Variants in NTM observed in about 807,000 individuals in gnomAD.
NTM encodes neurotrimin, also known as IgLON family member 2.
Under a neutral mutation model 42.1 loss-of-function variants are expected in NTM, and 13 were observed. The ratio of observed to expected loss-of-function variants is 0.31; its 90% confidence interval spans 0.20 to 0.49. NTM has a LOEUF of 0.49. NTM is among the 20% of genes least tolerant of loss of function. NTM has a pLI of 0.99. For missense variants in NTM, 373 were observed against 452.8 expected (o/e 0.82, Z 1.60); for synonymous variants, 187 against 179.2 (o/e 1.04, Z -0.35).
At chr11:132,215,910 T>A (rs1469959554) in intron 4 of NTM, among the ~76,000 whole-genome samples, 1 of 152,222 alleles carries the variant, frequency 6.6e-6, no homozygotes, top group East Asian at 1.9e-4. Context: ...TGAAGGCTTA[T>A]TGACCCCAAG....
At chr11:132,016,199 A>C (rs772106371) in intron 2 of NTM, among the ~76,000 whole-genome samples, 1 of 150,874 alleles carries the variant, frequency 6.6e-6, no homozygotes, top group Non-Finnish European at 1.5e-5. Flanking sequence ...TGTTGATGTG[A>C]TATATTGCAT....
intron 1 of NTM, among the ~76,000 whole-genome samples, chr11:131,415,385 T>C (rs1946841949): frequency 6.6e-6 from 1 of 152,184 alleles, no homozygotes; most frequent in African/African-American, 2.4e-5. Context: ...CACTGAATGC[T>C]ATTCGTCTAA....
At chr11:131,806,683 G>A (rs958036115) in intron 1 of NTM, among the ~76,000 whole-genome samples, 2 of 152,108 alleles carry the variant, frequency 1.3e-5, no homozygotes, top group African/African-American at 4.8e-5. Flanking sequence ...CGGATTTTAT[G>A]CTTCCAGGTC....
chr11:131,406,629 A>G (rs1165251269), intron 1 of NTM, among the ~76,000 whole-genome samples: 2 of 152,246 alleles, frequency 1.3e-5, no homozygotes, highest in African/African-American at 4.8e-5. Context: ...TAAGAGGTTA[A>G]TAACAAAAAC....
chr11:131,711,795 G>A (rs1592662933), intron 1 of NTM, among the ~76,000 whole-genome samples: 1 of 151,892 alleles, frequency 6.6e-6, no homozygotes, highest in Admixed American at 6.6e-5. Flanking sequence ...GGAATACTAT[G>A]CAGCCATAAA....
At chr11:131,638,342 A>C (rs1022848234) in intron 1 of NTM, among the ~76,000 whole-genome samples, 1 of 152,052 alleles carries the variant, frequency 6.6e-6, no homozygotes, top group Non-Finnish European at 1.5e-5. Context: ...CGAGACGGGC[A>C]GATCACCTGA....
chr11:131,506,137 C>G (rs976635993), intron 1 of NTM, among the ~76,000 whole-genome samples: 1 of 152,232 alleles, frequency 6.6e-6, no homozygotes, highest in African/African-American at 2.4e-5. Context: ...TAAAATGACT[C>G]ATTCTCAAGC....
chr11:132,197,700 C>G (rs955529430), intron 3 of NTM, among the ~76,000 whole-genome samples: 1 of 140,138 alleles, frequency 7.1e-6, no homozygotes, highest in Non-Finnish European at 1.5e-5. Flanking sequence ...TTCCTGTGTG[C>G]AAGTGTTCTC....
intron 2 of NTM, among the ~76,000 whole-genome samples, chr11:132,044,142 A>G (rs530438584): frequency 0.011 from 482 of 42,298 alleles, 3 homozygotes; most frequent in African/African-American, 0.078. Context: ...GTGTGTGTGT[A>G]TGTGCGTGTG....
intron 3 of NTM, among the ~76,000 whole-genome samples, chr11:132,210,362 C>T (rs1422897459): frequency 6.6e-6 from 1 of 152,186 alleles, no homozygotes; most frequent in African/African-American, 2.4e-5. Flanking sequence ...TTGGTATGGA[C>T]ACGTTGCACA....
At chr11:131,424,586 A>G (rs28637937) in intron 1 of NTM, among the ~76,000 whole-genome samples, 17,565 of 85,208 alleles carry the variant, frequency 0.21, 1,528 homozygotes, top group Middle Eastern at 0.26. Flanking sequence ...GTTGTTTTTT[A>G]TTTCTTTTCT....
intron 1 of NTM, among the ~76,000 whole-genome samples, chr11:131,590,101 TC>T (rs2059234526): frequency 6.6e-6 from 1 of 152,172 alleles, no homozygotes; most frequent in Admixed American, 6.5e-5. Flanking sequence ...ATCAATCTCT[TC>T]CCTGCACCCA....
At chr11:132,150,770 G>A (rs1452422439) in intron 3 of NTM, among the ~76,000 whole-genome samples, 1 of 152,082 alleles carries the variant, frequency 6.6e-6, no homozygotes, top group Non-Finnish European at 1.5e-5. Flanking sequence ...TGTGAGCATG[G>A]GGGTGATGAC....
chr11:131,377,250 A>G (rs909592047), intron 1 of NTM, among the ~76,000 whole-genome samples: 2 of 152,100 alleles, frequency 1.3e-5, no homozygotes, highest in African/African-American at 4.8e-5. Flanking sequence ...GAGCTCATGG[A>G]TGCCTTTGGT....
intron 1 of NTM, among the ~76,000 whole-genome samples, chr11:131,647,759 C>T (rs1369276752): frequency 6.6e-6 from 1 of 151,772 alleles, no homozygotes; most frequent in Non-Finnish European, 1.5e-5. Flanking sequence ...ATATTACTGC[C>T]CCAGGATTTT....
Position 131,370,654 on chromosome 11 carries a change from C to T in NTM, c.-153C>T. On this transcript the variant is annotated 5_prime_UTR_variant, in exon 1 of 9. Transcript: ENST00000683400. ...GATAATTACGGAGAAGTCATACTCT[C>T]TCACACCCTCGGCTTTCTTGTTGTG... 1.6e-6 allele frequency: 1 copy of T among 644,158 alleles called. No individual in the cohort carries two copies. The highest frequency in any genetic ancestry group is 2.0e-5 in the South Asian group (1 of 50,394). The allele number at this position is 644,158 out of a possible 1,614,324, so 39.9% of individuals were successfully genotyped here.
intron 1 of NTM, among the ~76,000 whole-genome samples, chr11:131,487,744 G>A (rs553922075): frequency 2.0e-5 from 3 of 149,904 alleles, no homozygotes; most frequent in Non-Finnish European, 2.9e-5. Context: ...AAAGAAAAAG[G>A]GGGAAGGGAT....
chr11:132,132,832 C>G (rs1047808146), intron 2 of NTM, among the ~76,000 whole-genome samples: 4 of 152,160 alleles, frequency 2.6e-5, no homozygotes, highest in African/African-American at 9.7e-5. Context: ...TGGTTGCTGC[C>G]TCTCTCAAAT....
At chr11:131,750,660 A>G (rs1351038295) in intron 1 of NTM, among the ~76,000 whole-genome samples, 1 of 152,076 alleles carries the variant, frequency 6.6e-6, no homozygotes, top group Admixed American at 6.5e-5. Context: ...ACAGCCCACC[A>G]CTTGGTCATT....
Sources: allele counts gnomAD v4.1 joint callset (sites outside exome capture counted in the v4.1 genomes callset), GRCh38; gene constraint gnomAD v4.1.1; transcripts MANE v1.5; gene names NCBI Gene and HGNC (gene_info 2026-07-23, HGNC 2026-07-21).